DCC: variants seen among roughly 807,000 people sequenced by gnomAD.
DCC encodes the protein DCC netrin 1 receptor.
A neutral mutation model predicts 172.5 loss-of-function variants in DCC; 58 were observed. The observed-to-expected ratio is 0.34, with a 90% CI of 0.27 to 0.42. The LOEUF (loss-of-function observed/expected upper bound fraction) is 0.42. Among genes scored for constraint, DCC ranks in the 10% least tolerant of loss-of-function variants. DCC has a pLI of 1.00. For synonymous variants in DCC, 709 were observed against 644.5 expected, an observed-to-expected ratio of 1.10 and a Z score of -1.52; for missense variants, 1,740 against 1,791.0, an observed-to-expected ratio of 0.97 and a Z score of 0.51.
At chr18:53,529,697 A>C (rs983044952) in intron 28 of DCC, among the ~76,000 whole-genome samples, 2 of 152,184 alleles carry the variant, frequency 1.3e-5, no homozygotes, top group African/African-American at 2.4e-5. Context: ...GCTAACTATC[A>C]AAACTACCTG....
chr18:52,867,904 C>A (rs938951606), intron 2 of DCC, among the ~76,000 whole-genome samples: 2 of 152,000 alleles, frequency 1.3e-5, no homozygotes, highest in Non-Finnish European at 2.9e-5. Flanking sequence ...GATTTTTGCT[C>A]TTTAACTTGG....
intron 1 of DCC, among the ~76,000 whole-genome samples, chr18:52,529,274 TGTTTTTTG>T (rs1373180655): frequency 2.6e-5 from 4 of 152,086 alleles, no homozygotes; most frequent in Non-Finnish European, 5.9e-5. Context: ...TAAGCAGCTG[TGTTTTTTG>T]GTTTGTTTGT....
At chr18:52,428,525 CCAA>C (rs1691626436) in intron 1 of DCC, among the ~76,000 whole-genome samples, 1 of 151,948 alleles carries the variant, frequency 6.6e-6, no homozygotes, top group South Asian at 2.1e-4. Context: ...CCATCGAAAC[CCAA>C]CAACAATAAC....
At chr18:52,784,736 G>A (rs77947891) in intron 2 of DCC, among the ~76,000 whole-genome samples, 5,332 of 152,028 alleles carry the variant, frequency 0.035, 130 homozygotes, top group Admixed American at 0.049. Flanking sequence ...TATTCAGATC[G>A]TTTACCCACT....
intron 2 of DCC, among the ~76,000 whole-genome samples, chr18:52,806,092 T>C (rs917579524): frequency 6.6e-6 from 1 of 152,198 alleles, no homozygotes; most frequent in African/African-American, 2.4e-5. Context: ...ATTTCCTCCA[T>C]TAGATAATAC....
At chr18:52,633,514 C>T (rs920036562) in intron 1 of DCC, among the ~76,000 whole-genome samples, 1 of 152,126 alleles carries the variant, frequency 6.6e-6, no homozygotes, top group Non-Finnish European at 1.5e-5. Flanking sequence ...TAATTCTGCC[C>T]ATCTATACAA....
chr18:53,481,741 A>T (rs1001133334), intron 25 of DCC, among the ~76,000 whole-genome samples: 1 of 152,192 alleles, frequency 6.6e-6, no homozygotes, highest in Non-Finnish European at 1.5e-5. Context: ...TTGTAGCTTA[A>T]AAAAATCTTT....
chr18:52,667,114 C>A (rs1340793191), intron 1 of DCC, among the ~76,000 whole-genome samples: 1 of 152,082 alleles, frequency 6.6e-6, no homozygotes, highest in African/African-American at 2.4e-5. Context: ...TCTGTTGAGA[C>A]TGAAGATAGG....
At chr18:52,497,292 T>C (rs1327560867) in intron 1 of DCC, among the ~76,000 whole-genome samples, 1 of 22,940 alleles carries the variant, frequency 4.4e-5, no homozygotes, top group African/African-American at 1.7e-4. Flanking sequence ...TATATATATA[T>C]ATATATATAT....
intron 13 of DCC, among the ~76,000 whole-genome samples, chr18:53,309,960 G>GTATATATATATATATATATATA (rs1480456425): frequency 1.6e-5 from 1 of 62,298 alleles, no homozygotes; most frequent in Admixed American, 2.2e-4. Flanking sequence ...ATATATACGT[G>GTATATATATATATATATATATA]TGTGTATATA....
At chr18:52,781,178 T>G (rs1478826104) in intron 2 of DCC, among the ~76,000 whole-genome samples, 1 of 152,176 alleles carries the variant, frequency 6.6e-6, no homozygotes, top group African/African-American at 2.4e-5. Context: ...TAGCAGAGCC[T>G]GGCTGTTTGA....
intron 1 of DCC, among the ~76,000 whole-genome samples, chr18:52,402,343 A>G (rs569897913): frequency 6.6e-6 from 1 of 152,008 alleles, no homozygotes; most frequent in Non-Finnish European, 1.5e-5. Flanking sequence ...AATGCATTTG[A>G]GTAAGTAATG....
chr18:53,438,808 A>G (rs1912099049), intron 22 of DCC, among the ~76,000 whole-genome samples: 2 of 152,226 alleles, frequency 1.3e-5, no homozygotes, highest in African/African-American at 4.8e-5. Context: ...TTTTTGTTTT[A>G]CCATTTAAGA....
chr18:52,935,681 T>TA (rs1298358598), intron 5 of DCC, among the ~76,000 whole-genome samples: 1 of 152,172 alleles, frequency 6.6e-6, no homozygotes, highest in African/African-American at 2.4e-5. Context: ...GTGGTTCATC[T>TA]ACCTCAGACT....
intron 5 of DCC, among the ~76,000 whole-genome samples, chr18:52,989,929 G>A (rs1353689067): frequency 6.6e-6 from 1 of 152,166 alleles, no homozygotes; most frequent in East Asian, 1.9e-4. Context: ...ACAGAGGTCT[G>A]CAGCCACTTG....
At chr18:52,770,517 G>A (rs1389355764) in intron 2 of DCC, among the ~76,000 whole-genome samples, 1 of 152,158 alleles carries the variant, frequency 6.6e-6, no homozygotes, top group Non-Finnish European at 1.5e-5. Context: ...AAGGCTTCCT[G>A]AGAGCAGTCA....
chr18:53,282,853 A>G (rs2056889557), intron 12 of DCC, among the ~76,000 whole-genome samples: 1 of 152,182 alleles, frequency 6.6e-6, no homozygotes, highest in African/African-American at 2.4e-5. Flanking sequence ...ATTGGGTACC[A>G]AATTTTAAAG....
intron 1 of DCC, among the ~76,000 whole-genome samples, chr18:52,523,870 A>AT (rs1410743244): frequency 6.6e-6 from 1 of 152,166 alleles, no homozygotes; most frequent in East Asian, 1.9e-4. Context: ...TTTGAACCCA[A>AT]TTTTTTAAAA....
intron 12 of DCC, among the ~76,000 whole-genome samples, chr18:53,282,233 C>T (rs565937217): frequency 1.3e-5 from 2 of 152,122 alleles, no homozygotes; most frequent in South Asian, 4.1e-4. Flanking sequence ...AGGTGTGTTC[C>T]GTGGTTAGTA....
Sources: gnomAD v4.1 joint callset for allele counts (sites outside exome capture counted in the v4.1 genomes callset) on GRCh38, gnomAD v4.1.1 for gene constraint, MANE v1.5 for transcripts, NCBI Gene and HGNC (gene_info 2026-07-23, HGNC 2026-07-21) for gene names.